GALNT17: variants seen among roughly 807,000 people sequenced by gnomAD.
The protein encoded by GALNT17 is polypeptide N-acetylgalactosaminyltransferase 17.
A neutral mutation model predicts 63.7 loss-of-function variants in GALNT17; 29 were observed. That is an observed-to-expected ratio of 0.46 (90% CI 0.34 to 0.62). The LOEUF (loss-of-function observed/expected upper bound fraction) is 0.62. Among genes scored for constraint, GALNT17 ranks in the 20% least tolerant of loss-of-function variants. The pLI, the probability that GALNT17 is intolerant of heterozygous loss-of-function variation, is 0.01. For synonymous variants in GALNT17, 305 were observed against 318.3 expected (o/e 0.96, Z 0.45); for missense variants, 603 against 799.6 (o/e 0.75, Z 2.97).
chr7:71,453,600 T>C (rs1787305480), intron 5 of GALNT17, among the ~76,000 whole-genome samples: 1 of 152,212 alleles, frequency 6.6e-6, no homozygotes, highest in African/African-American at 2.4e-5. Context: ...GTGGGAATTA[T>C]GGGAGCTACA....
intron 2 of GALNT17, among the ~76,000 whole-genome samples, chr7:71,383,881 C>T (rs771688330): frequency 1.3e-4 from 20 of 152,170 alleles, no homozygotes; most frequent in Non-Finnish European, 2.9e-4. Context: ...TGGATTGCTT[C>T]CAACATTTAG....
At chr7:71,168,729 G>A (rs1788492502) in intron 1 of GALNT17, among the ~76,000 whole-genome samples, 1 of 151,960 alleles carries the variant, frequency 6.6e-6, no homozygotes, top group Non-Finnish European at 1.5e-5. Context: ...GTGTGTGTGT[G>A]TGTGTGGTAA....
chr7:71,572,521 A>C (rs1002415450), intron 6 of GALNT17, among the ~76,000 whole-genome samples: 12 of 148,972 alleles, frequency 8.1e-5, no homozygotes, highest in African/African-American at 2.5e-4. Flanking sequence ...AAAAAAAAAA[A>C]AAAAAAAAAC....
intron 1 of GALNT17, among the ~76,000 whole-genome samples, chr7:71,260,660 T>C (rs1479527422): frequency 2.0e-5 from 3 of 151,708 alleles, no homozygotes; most frequent in South Asian, 2.1e-4. Flanking sequence ...TGGAGTGCAG[T>C]GGTATGATCC....
intron 2 of GALNT17, among the ~76,000 whole-genome samples, chr7:71,383,762 A>AT (rs1316062708): frequency 3.3e-5 from 5 of 151,328 alleles, no homozygotes; most frequent in African/African-American, 9.7e-5. Flanking sequence ...GATTTTGGGG[A>AT]TTTTTTCCCT....
intron 5 of GALNT17, among the ~76,000 whole-genome samples, chr7:71,492,523 G>A (rs956924144): frequency 2.6e-5 from 4 of 152,100 alleles, no homozygotes; most frequent in Non-Finnish European, 5.9e-5. Flanking sequence ...GTCTTGCAAG[G>A]AGCCACTATC....
At chr7:71,280,352 G>A (rs1371559847) in intron 1 of GALNT17, among the ~76,000 whole-genome samples, 2 of 152,136 alleles carry the variant, frequency 1.3e-5, no homozygotes, top group African/African-American at 4.8e-5. Flanking sequence ...AAGTGCTAAG[G>A]AGCTTCCTCT....
chr7:71,374,737 T>TG (rs1281339076), intron 2 of GALNT17, among the ~76,000 whole-genome samples: 1 of 151,730 alleles, frequency 6.6e-6, no homozygotes, highest in Non-Finnish European at 1.5e-5. Context: ...GCATTTTAGA[T>TG]GGACTGAGAT....
At chr7:71,412,533 C>T (rs989271042) in intron 3 of GALNT17, among the ~76,000 whole-genome samples, 14 of 152,190 alleles carry the variant, frequency 9.2e-5, no homozygotes, top group Non-Finnish European at 1.5e-4. Flanking sequence ...CCACCACACC[C>T]GGCTAGTTTT....
intron 6 of GALNT17, among the ~76,000 whole-genome samples, chr7:71,597,198 C>T (rs998337863): frequency 4.6e-5 from 7 of 152,066 alleles, no homozygotes; most frequent in South Asian, 2.1e-4. Flanking sequence ...CCACCATGCC[C>T]GGCTAATTTT....
intron 2 of GALNT17, among the ~76,000 whole-genome samples, chr7:71,375,278 C>T (rs1179693096): frequency 6.6e-6 from 1 of 152,176 alleles, no homozygotes; most frequent in African/African-American, 2.4e-5. Flanking sequence ...TTGGGCAGAA[C>T]AGTAAAAGGA....
intron 6 of GALNT17, among the ~76,000 whole-genome samples, chr7:71,663,314 C>T (rs987982581): frequency 6.6e-6 from 1 of 152,132 alleles, no homozygotes; most frequent in Admixed American, 6.5e-5. Context: ...TTAATTCTTC[C>T]AATCCTTGAA....
chr7:71,373,162 G>A (rs978143237), intron 2 of GALNT17, among the ~76,000 whole-genome samples: 11 of 152,306 alleles, frequency 7.2e-5, no homozygotes, highest in Admixed American at 6.5e-4. Flanking sequence ...GATTCAGTCA[G>A]GCTCTTTTCA....
At chr7:71,698,445 A>T (rs1791577858) in intron 9 of GALNT17, among the ~76,000 whole-genome samples, 1 of 152,190 alleles carries the variant, frequency 6.6e-6, no homozygotes, top group Non-Finnish European at 1.5e-5. Flanking sequence ...CAAAATACTG[A>T]ACTATTAGAA....
chr7:71,340,897 G>T lies in GALNT17; in HGVS notation c.422+5164G>T, dbSNP rs530175138. On this transcript the variant is annotated intron_variant, in intron 2 of 10. Coordinates refer to ENST00000333538, the MANE Select transcript of GALNT17 (RefSeq NM_022479.3). The stretch of plus-strand genomic sequence containing the variant: ...AAAAATACAAGAAAAAATTAGCTGG[G>T]CATAGTGGTGCATGCTTGTAATTCC... 2.7e-3 allele frequency among the ~76,000 whole-genome samples: 408 copies of T among 152,204 alleles called. 2 individuals are homozygous for T. Among genetic ancestry groups the T allele is most frequent in the African/African-American group, 9.2e-3 (384 of 41,536 alleles).
chr7:71,534,877 T>C (rs1788779471), intron 5 of GALNT17, among the ~76,000 whole-genome samples: 1 of 152,208 alleles, frequency 6.6e-6, no homozygotes, highest in South Asian at 2.1e-4. Flanking sequence ...TTGTAAGTGC[T>C]ACCATCTCCC....
chr7:71,255,007 G>C (rs1311770001), intron 1 of GALNT17, among the ~76,000 whole-genome samples: 1 of 152,228 alleles, frequency 6.6e-6, no homozygotes, highest in African/African-American at 2.4e-5. Flanking sequence ...AGCTGTGAGA[G>C]GCGATGTCAG....
intron 1 of GALNT17, among the ~76,000 whole-genome samples, chr7:71,199,040 T>G (rs1184905881): frequency 6.6e-6 from 1 of 152,156 alleles, no homozygotes; most frequent in African/African-American, 2.4e-5. Context: ...GGATAATACT[T>G]TGAGAACCTC....
At chr7:71,163,743 TA>T (rs1233005486) in intron 1 of GALNT17, among the ~76,000 whole-genome samples, 7 of 152,198 alleles carry the variant, frequency 4.6e-5, no homozygotes, top group Non-Finnish European at 8.8e-5. Context: ...GAAGGCCTCT[TA>T]GATAGAGGCC....
Sources: allele counts gnomAD v4.1 joint callset (sites outside exome capture counted in the v4.1 genomes callset), GRCh38; gene constraint gnomAD v4.1.1; transcripts MANE v1.5; gene names NCBI Gene and HGNC (gene_info 2026-07-23, HGNC 2026-07-21).